Variants in NTM observed in about 807,000 individuals in gnomAD.
NTM encodes the protein neurotrimin.
NTM carries 13 observed loss-of-function variants against 42.1 expected under a neutral mutation model. The observed-to-expected ratio is 0.31, with a 90% CI of 0.20 to 0.49. The LOEUF is 0.49. Ranked by LOEUF, NTM falls within the 20% of genes least tolerant of loss-of-function variation. The probability of loss-of-function intolerance (pLI) is 0.99; values close to 1 mark genes in which losing one functional copy is unlikely to be tolerated. For synonymous variants in NTM, 187 were observed against 179.2 expected, an observed-to-expected ratio of 1.04 and a Z score of -0.35; for missense variants, 373 against 452.8, an observed-to-expected ratio of 0.82 and a Z score of 1.60.
chr11:132,228,813 C>T (rs1363366180), intron 4 of NTM, among the ~76,000 whole-genome samples: 3 of 152,144 alleles, frequency 2.0e-5, no homozygotes, highest in Non-Finnish European at 4.4e-5. Context: ...TGGTTTGGGT[C>T]ACTCAGGTGT....
intron 1 of NTM, among the ~76,000 whole-genome samples, chr11:131,405,101 C>A (rs1945665689): frequency 6.6e-6 from 1 of 152,160 alleles, no homozygotes; most frequent in Non-Finnish European, 1.5e-5. Flanking sequence ...GTCTGTTACG[C>A]TTCAACCTAA....
rs2095136372 is a variant in NTM, at chr11:132,307,634, A to G, written c.527-55A>G. 5.6e-6 allele frequency: 9 copies of G among 1,605,690 alleles called. No homozygotes were observed. In the Admixed American group the frequency reaches 6.8e-5, roughly 12 times the overall value. The stretch of plus-strand genomic sequence containing the variant: ...TTTATACTTTGTTTTCTAAGTGAAC[A>G]TGTTTGGTCTTTTTTTTCCTTGTAT... On this transcript the variant is annotated intron_variant, in intron 4 of 8. Transcript: ENST00000683400.
At chr11:131,849,083 T>G (rs1254917775) in intron 1 of NTM, among the ~76,000 whole-genome samples, 2 of 152,186 alleles carry the variant, frequency 1.3e-5, no homozygotes, top group Admixed American at 1.3e-4. Flanking sequence ...CGTTAGGATT[T>G]TTAAGCTTCC....
intron 3 of NTM, among the ~76,000 whole-genome samples, chr11:132,179,949 T>G (rs2077324263): frequency 6.6e-6 from 1 of 152,200 alleles, no homozygotes; most frequent in Non-Finnish European, 1.5e-5. Flanking sequence ...TCTCAGTGCC[T>G]CCATTTCGTT....
intron 4 of NTM, among the ~76,000 whole-genome samples, chr11:132,247,679 G>A (rs896135318): frequency 2.0e-5 from 3 of 152,260 alleles, no homozygotes; most frequent in Admixed American, 6.5e-5. Flanking sequence ...AGGGATCCTG[G>A]ATTCGGGGAT....
At chr11:131,820,395 A>T (rs1185817859) in intron 1 of NTM, among the ~76,000 whole-genome samples, 1 of 152,228 alleles carries the variant, frequency 6.6e-6, no homozygotes, top group Non-Finnish European at 1.5e-5. Context: ...GCATTCCCAT[A>T]TCACCACTAG....
intron 1 of NTM, among the ~76,000 whole-genome samples, chr11:131,581,004 A>C (rs1392429040): frequency 6.6e-6 from 1 of 152,196 alleles, no homozygotes. Context: ...GGAAGCAATA[A>C]AATTTTAGGG....
At chr11:131,940,140 G>A (rs1032990452) in intron 2 of NTM, among the ~76,000 whole-genome samples, 32 of 152,304 alleles carry the variant, frequency 2.1e-4, no homozygotes, top group African/African-American at 7.0e-4. Flanking sequence ...ATGGGATGAC[G>A]ATTCTGCAGA....
At chr11:131,658,784 G>A (rs565833676) in intron 1 of NTM, among the ~76,000 whole-genome samples, 3 of 152,254 alleles carry the variant, frequency 2.0e-5, no homozygotes, top group East Asian at 3.9e-4. Flanking sequence ...AGCCTGGACA[G>A]CATGGCAAAA....
chr11:132,089,069 T>C (rs1197438034), intron 2 of NTM, among the ~76,000 whole-genome samples: 2 of 152,160 alleles, frequency 1.3e-5, no homozygotes, highest in South Asian at 4.1e-4. Context: ...AGAAAGACTT[T>C]CTGGTGAAGC....
chr11:131,779,382 T>C (rs2087644266), intron 1 of NTM, among the ~76,000 whole-genome samples: 1 of 152,212 alleles, frequency 6.6e-6, no homozygotes. Flanking sequence ...AGAAAACTAA[T>C]ATAACTATAT....
intron 1 of NTM, among the ~76,000 whole-genome samples, chr11:131,450,539 G>A (rs1030884503): frequency 7.2e-5 from 11 of 152,096 alleles, no homozygotes; most frequent in East Asian, 1.9e-4. Flanking sequence ...CCTTGTCCTG[G>A]GCTGCTTGGC....
chr11:131,779,398 A>T (rs1234361451), intron 1 of NTM, among the ~76,000 whole-genome samples: 1 of 152,080 alleles, frequency 6.6e-6, no homozygotes, highest in African/African-American at 2.4e-5. Context: ...TATATACAAC[A>T]TTTCCAATCA....
At chr11:131,875,493 C>T (rs2048399976) in intron 1 of NTM, among the ~76,000 whole-genome samples, 1 of 152,192 alleles carries the variant, frequency 6.6e-6, no homozygotes, top group African/African-American at 2.4e-5. Context: ...TCATGTCCTT[C>T]AGCCAAGCAC....
intron 1 of NTM, among the ~76,000 whole-genome samples, chr11:131,852,719 A>G (rs950667094): frequency 2.0e-5 from 3 of 152,114 alleles, no homozygotes; most frequent in Non-Finnish European, 2.9e-5. Context: ...TAATTTGTCT[A>G]TACCCACCCA....
chr11:131,689,361 G>C (rs1377978637), intron 1 of NTM, among the ~76,000 whole-genome samples: 1 of 152,244 alleles, frequency 6.6e-6, no homozygotes, highest in Non-Finnish European at 1.5e-5. Context: ...GCTCAGGAGG[G>C]GCTGGAAGGA....
intron 4 of NTM, among the ~76,000 whole-genome samples, chr11:132,303,057 A>G (rs1311593600): frequency 6.6e-6 from 1 of 152,240 alleles, no homozygotes; most frequent in African/African-American, 2.4e-5. Context: ...ATGGAATTAT[A>G]TAACCATTCA....
At chr11:131,858,022 C>G (rs578088182) in intron 1 of NTM, among the ~76,000 whole-genome samples, 9 of 151,966 alleles carry the variant, frequency 5.9e-5, no homozygotes, top group Non-Finnish European at 1.3e-4. Flanking sequence ...CCTACTCCAT[C>G]TCTTCCAGCC....
chr11:132,167,995 A>T (rs2075544039), intron 3 of NTM, among the ~76,000 whole-genome samples: 1 of 152,194 alleles, frequency 6.6e-6, no homozygotes, highest in Non-Finnish European at 1.5e-5. Flanking sequence ...GAACTATCTA[A>T]TGAAATTCCG....
Sources: gnomAD v4.1 joint callset for allele counts (sites outside exome capture counted in the v4.1 genomes callset) on GRCh38, gnomAD v4.1.1 for gene constraint, MANE v1.5 for transcripts, NCBI Gene and HGNC (gene_info 2026-07-23, HGNC 2026-07-21) for gene names.